The following SYBU variants were observed in gnomAD, a reference collection of about 807,000 sequenced individuals.
The protein encoded by SYBU is GOLSYN A protein.
Under a neutral mutation model 35.9 loss-of-function variants are expected in SYBU, and 21 were observed. The ratio of observed to expected loss-of-function variants is 0.58; its 90% CI spans 0.41 to 0.84. The LOEUF (loss-of-function observed/expected upper bound fraction) is 0.84. SYBU is among the 40% of genes least tolerant of loss of function. The pLI, the probability that SYBU is intolerant of heterozygous loss-of-function variation, is 0.00. For synonymous variants in SYBU, 319 were observed against 324.3 expected, an observed-to-expected ratio of 0.98 and a Z score of 0.18; for missense variants, 768 against 848.2, an observed-to-expected ratio of 0.91 and a Z score of 1.17.
At chr8:109,636,694 C>A (rs1330737789) in intron 2 of SYBU, among the ~76,000 whole-genome samples, 1 of 151,754 alleles carries the variant, frequency 6.6e-6, no homozygotes, top group Non-Finnish European at 1.5e-5. Flanking sequence ...CCAAATCATC[C>A]CAATATCACA....
At chr8:109,687,711 A>T (rs755089378) in intron 1 of SYBU, among the ~76,000 whole-genome samples, 3 of 152,142 alleles carry the variant, frequency 2.0e-5, no homozygotes, top group Non-Finnish European at 4.4e-5. Flanking sequence ...TATTACAGAT[A>T]GTGTTAGAAC....
chr8:109,646,812 G>A (rs1815745498), upstream of SYBU: 1 of 152,094 alleles, frequency 6.6e-6, no homozygotes, highest in African/African-American at 2.4e-5. Flanking sequence ...TCATTCACCT[G>A]ACCCACACAT....
intron 3 of SYBU, among the ~76,000 whole-genome samples, chr8:109,617,274 G>A (rs958466648): frequency 3.3e-5 from 5 of 152,158 alleles, no homozygotes; most frequent in South Asian, 2.1e-4. Context: ...TTGAGGTGTC[G>A]ACAATAGGCA....
upstream of SYBU, chr8:109,644,897 C>T (rs1314119272): frequency 5.4e-6 from 3 of 555,152 alleles, no homozygotes; most frequent in South Asian, 2.1e-5. Flanking sequence ...GCTCCTGGGG[C>T]GCCTCCCACG....
At chr8:109,594,739 G>A (rs568508282) in intron 3 of SYBU, among the ~76,000 whole-genome samples, 1 of 152,178 alleles carries the variant, frequency 6.6e-6, no homozygotes, top group East Asian at 1.9e-4. Context: ...CAGTAGCACT[G>A]ACCTCCACCT....
chr8:109,575,441 C>G lies in SYBU; in HGVS notation c.1457G>C (p.Arg486Pro), dbSNP rs769658598. 1.9e-6 allele frequency: 3 copies of G among 1,614,080 alleles called. No individual in the cohort carries two copies. Among genetic ancestry groups the G allele is most frequent in the Non-Finnish European group, 2.5e-6 (3 of 1,180,024 alleles). ...GGGCACCACGTCGGTCTGAACGGCT[C>G]GCTCCACCACCACACTGCCCTCCTC... ...GQEEGSVVVE[R>P]AVQTDVVPYS... is the part of the protein sequence containing the mutation. The change falls in exon 7 of 7, where the codon CGA becomes CCA. Residue 486 changes from arginine to proline, a missense_variant. Physicochemically the swap from Arg to Pro is moderately radical, Grantham distance 103. Transcript: ENST00000276646.
chr8:109,661,771 G>T (rs1287462888), intron 1 of SYBU, among the ~76,000 whole-genome samples: 2 of 152,154 alleles, frequency 1.3e-5, no homozygotes, highest in Non-Finnish European at 2.9e-5. Flanking sequence ...ATAGAGATGT[G>T]TGATCAAAGA....
In SYBU at chr8:109,644,778, G is replaced by C. The variant is rs944479002; in HGVS notation, c.-119C>G. 19 of 1,047,630 alleles carry C rather than the reference G, an allele frequency of 1.8e-5. No individual in the cohort carries two copies. In the African/African-American group the frequency reaches 3.1e-4, roughly 17 times the overall value. The allele number at this position is 1,047,630 out of a possible 1,614,324, so 64.9% of individuals were successfully genotyped here. ...CGCGGGCTGCGGGCGGCGGCTCTTG[G>C]TGAGGCTCCAACGCGCCGCCGCCGC... On this transcript the variant is annotated 5_prime_UTR_variant, in exon 1 of 7. Transcript: ENST00000276646.
intron 1 of SYBU, among the ~76,000 whole-genome samples, chr8:109,666,442 G>C (rs1816756227): frequency 6.6e-6 from 1 of 152,038 alleles, no homozygotes; most frequent in African/African-American, 2.4e-5. Context: ...CATCTCCTAG[G>C]AGACAAGATC....
intron 2 of SYBU, among the ~76,000 whole-genome samples, chr8:109,632,178 T>A (rs985563588): frequency 1.3e-5 from 2 of 152,136 alleles, no homozygotes; most frequent in Admixed American, 1.3e-4. Context: ...GCCTCCTGAA[T>A]AGCTGGAATT....
At chr8:109,589,360 G>A (rs897795201) in intron 3 of SYBU, among the ~76,000 whole-genome samples, 1 of 152,196 alleles carries the variant, frequency 6.6e-6, no homozygotes. Context: ...TGGGTTGCTT[G>A]TAAAGAATGA....
chr8:109,687,266 G>T (rs1817541192), intron 1 of SYBU, among the ~76,000 whole-genome samples: 1 of 152,134 alleles, frequency 6.6e-6, no homozygotes, highest in Admixed American at 6.5e-5. Flanking sequence ...TGACTCGTTT[G>T]CTTCTCTGTC....
At chr8:109,669,848 T>TA (rs1816912552) in intron 1 of SYBU, among the ~76,000 whole-genome samples, 1 of 152,224 alleles carries the variant, frequency 6.6e-6, no homozygotes, top group African/African-American at 2.4e-5. Context: ...CTATGTAAAA[T>TA]AAAAAATCCA....
chr8:109,658,563 G>A (rs1032313098), intron 1 of SYBU, among the ~76,000 whole-genome samples: 1 of 152,178 alleles, frequency 6.6e-6, no homozygotes, highest in East Asian at 1.9e-4. Flanking sequence ...TAGGTCAGAA[G>A]CTTCTCTCTT....
intron 2 of SYBU, among the ~76,000 whole-genome samples, chr8:109,625,491 T>C (rs949462296): frequency 2.0e-5 from 3 of 152,142 alleles, no homozygotes; most frequent in African/African-American, 7.2e-5. Flanking sequence ...GGAACAATCA[T>C]ACCTCACTGC....
rs769265528 is a variant in SYBU, at chr8:109,644,697, C to T, written c.-38G>A. The T allele has an allele frequency of 6.0e-6, 9 of 1,495,316 alleles. No homozygotes were observed. Among genetic ancestry groups the T allele is most frequent in the Non-Finnish European group, 8.0e-6 (9 of 1,130,016 alleles). 92.6% of individuals were successfully genotyped at this position (1,495,316 alleles called of 1,614,324 possible). ...CGCCGGCTCCTCGCGCCGCCGCTGC[C>T]GCCGTCCAGGAGGAGGCACCTGCGA... On this transcript the variant is annotated 5_prime_UTR_variant, in exon 1 of 7. Coordinates refer to ENST00000276646, the MANE Select transcript of SYBU (RefSeq NM_001099754.2).
upstream of SYBU, among the ~76,000 whole-genome samples, chr8:109,683,206 A>T (rs1817442600): frequency 6.6e-6 from 1 of 152,238 alleles, no homozygotes. Context: ...GACAGCTTGT[A>T]CTGTGTGCCT....
chr8:109,691,486 C>G lies in SYBU; in HGVS notation c.-211G>C, dbSNP rs1369477595. The G allele has an allele frequency of 1.3e-5, 7 of 529,468 alleles. No individual in the cohort carries two copies. The highest frequency in any genetic ancestry group is 2.0e-5 in the African/African-American group (1 of 48,990). 32.8% of individuals were successfully genotyped at this position (529,468 alleles called of 1,614,324 possible). On this transcript the variant is annotated 5_prime_UTR_variant, in exon 1 of 8. Coordinates refer to the SYBU transcript ENST00000422135. The surrounding 1 kb of genome is among the most constrained non-coding windows in gnomAD (Gnocchi z 4.7). ...CAGGCCCGGGGAGCCGGGCCCGGCC[C>G]GCTCCGCCCGCCTTAGCCCGGCTTG...
chr8:109,580,056 G>T, intron 4 of SYBU, 54 bp from the exon 5 acceptor site: 1 of 1,502,652 alleles, frequency 6.7e-7, no homozygotes, highest in Non-Finnish European at 9.2e-7. Flanking sequence ...GATGCCCAAG[G>T]GCTAATGTCT....
Sources: gnomAD v4.1 joint callset for allele counts (sites outside exome capture counted in the v4.1 genomes callset) on GRCh38, gnomAD v4.1.1 for gene constraint, Gnocchi (gnomAD v3.1) non-coding constraint, MANE v1.5 for transcripts, NCBI Gene and HGNC (gene_info 2026-07-23, HGNC 2026-07-21) for gene names.